Variants in LOC400499 observed in about 807,000 individuals in gnomAD.
At chr16:11,387,862 G>A in the LOC400499 span, among the ~76,000 whole-genome samples, 12,374 of 152,142 alleles carry the variant, frequency 0.081, 654 homozygotes, top group Non-Finnish European at 0.12. Context: ...GACTTCAACT[G>A]ATCTGCCCAC....
At chr16:11,421,673 G>A in the LOC400499 span, among the ~76,000 whole-genome samples, 1 of 152,160 alleles carries the variant, frequency 6.6e-6, no homozygotes, top group Non-Finnish European at 1.5e-5. Flanking sequence ...CAAAGTATTG[G>A]GATATACGAC....
chr16:11,525,879 T>C, the LOC400499 span, among the ~76,000 whole-genome samples: 206 of 152,324 alleles, frequency 1.4e-3, 1 homozygote, highest in Admixed American at 2.9e-3. Flanking sequence ...TAACCAAGGA[T>C]GGGAAAACAC....
the LOC400499 span, among the ~76,000 whole-genome samples, chr16:11,380,498 C>G: frequency 1.3e-5 from 2 of 151,870 alleles, no homozygotes; most frequent in South Asian, 2.1e-4. Context: ...TGCACTCCAG[C>G]CTGAAGGACA....
chr16:11,456,590 T>G, the LOC400499 span, among the ~76,000 whole-genome samples: 3 of 152,040 alleles, frequency 2.0e-5, no homozygotes, highest in Non-Finnish European at 4.4e-5. Context: ...GATAAGGTTT[T>G]CGTTTGTTTG....
chr16:11,411,134 G>A, the LOC400499 span: 4 of 398,014 alleles, frequency 1.0e-5, no homozygotes, highest in Middle Eastern at 6.2e-4. Context: ...CCTGCTGCAG[G>A]CTGGTGAACA....
chr16:11,440,542 T>C, the LOC400499 span, among the ~76,000 whole-genome samples: 1 of 152,232 alleles, frequency 6.6e-6, no homozygotes, highest in African/African-American at 2.4e-5. Context: ...AAACATTGTT[T>C]ACAACAACAG....
chr16:11,395,347 C>G, the LOC400499 span, among the ~76,000 whole-genome samples: 7 of 152,184 alleles, frequency 4.6e-5, no homozygotes, highest in Non-Finnish European at 1.0e-4. Flanking sequence ...ATAGCTGTCC[C>G]AAATAAATCG....
chr16:11,479,604 C>A, the LOC400499 span, among the ~76,000 whole-genome samples: 187 of 152,190 alleles, frequency 1.2e-3, 1 homozygote, highest in African/African-American at 4.3e-3. Flanking sequence ...GCCTGGACAA[C>A]AGACAGAGCA....
the LOC400499 span, chr16:11,417,547 T>G: frequency 1.5e-5 from 6 of 398,116 alleles, no homozygotes; most frequent in Non-Finnish European, 2.2e-5. Context: ...GAGTGCCACC[T>G]GGGTCCAGGC....
the LOC400499 span, among the ~76,000 whole-genome samples, chr16:11,386,231 G>A: frequency 1.2e-4 from 19 of 152,184 alleles, no homozygotes; most frequent in African/African-American, 2.9e-4. Context: ...TAGCCAGTGC[G>A]GCCCCTGAGC....
the LOC400499 span, among the ~76,000 whole-genome samples, chr16:11,501,464 C>T: frequency 3.3e-5 from 5 of 152,170 alleles, no homozygotes; most frequent in African/African-American, 1.2e-4. Flanking sequence ...CTCAGGTGAT[C>T]CTCCCACTCA....
At chr16:11,523,947 A>G in the LOC400499 span, among the ~76,000 whole-genome samples, 1 of 45,064 alleles carries the variant, frequency 2.2e-5, no homozygotes, top group Non-Finnish European at 4.1e-5. Context: ...CAATTCCCCT[A>G]TCCATCCACC....
At chr16:11,406,758 G>A in the LOC400499 span, among the ~76,000 whole-genome samples, 8 of 152,218 alleles carry the variant, frequency 5.3e-5, no homozygotes, top group Admixed American at 3.3e-4. Flanking sequence ...AATGGCTGGT[G>A]CTTATCATCC....
the LOC400499 span, among the ~76,000 whole-genome samples, chr16:11,376,378 T>A: frequency 1.3e-5 from 2 of 152,030 alleles, no homozygotes; most frequent in East Asian, 1.9e-4. Context: ...CAACATGTTA[T>A]AAGGTAAGAG....
the LOC400499 span, chr16:11,514,347 G>A: frequency 5.0e-6 from 2 of 399,174 alleles, no homozygotes; most frequent in Non-Finnish European, 8.8e-6. Context: ...CACCAGGGAA[G>A]GCTGAGGTCA....
the LOC400499 span, among the ~76,000 whole-genome samples, chr16:11,443,050 G>A: frequency 1.1e-4 from 17 of 152,126 alleles, no homozygotes; most frequent in African/African-American, 3.4e-4. Context: ...ATGGCCGGGC[G>A]TGGTGGTTCA....
chr16:11,509,115 T>C, the LOC400499 span, among the ~76,000 whole-genome samples: 1 of 105,720 alleles, frequency 9.5e-6, no homozygotes, highest in Non-Finnish European at 2.1e-5. Flanking sequence ...AGTATCCTTT[T>C]TTTTCTTTTT....
the LOC400499 span, among the ~76,000 whole-genome samples, chr16:11,497,824 G>C: frequency 1.2e-5 from 1 of 81,412 alleles, no homozygotes; most frequent in Non-Finnish European, 2.7e-5. Context: ...AATTTTGAAA[G>C]GGAAATAAAT....
the LOC400499 span, among the ~76,000 whole-genome samples, chr16:11,431,841 G>A: frequency 2.6e-5 from 4 of 152,302 alleles, no homozygotes; most frequent in African/African-American, 9.6e-5. Context: ...TGAGATCTAT[G>A]TCCTCTCCCT....
Sources: allele counts gnomAD v4.1 joint callset (sites outside exome capture counted in the v4.1 genomes callset), GRCh38; gene constraint gnomAD v4.1.1; transcripts MANE v1.5.